The following COLEC12 variants were observed in gnomAD, a reference collection of about 807,000 sequenced individuals.
COLEC12 encodes the protein collectin-12.
In COLEC12, 33 loss-of-function variants were observed where a neutral mutation model predicts 71.1. The ratio of observed to expected loss-of-function variants is 0.46; its 90% CI spans 0.35 to 0.62. The LOEUF (loss-of-function observed/expected upper bound fraction) is 0.62, where lower values mean the gene tolerates loss of function less well. COLEC12 is among the 20% of genes least tolerant of loss of function. The probability of loss-of-function intolerance (pLI) is 0.00; values close to 1 mark genes in which losing one functional copy is unlikely to be tolerated. For missense variants in COLEC12, 765 were observed against 916.1 expected (o/e 0.84, Z 2.13); for synonymous variants, 350 against 353.0 (o/e 0.99, Z 0.10).
At chr18:398,440 G>A (rs1227834818) in intron 2 of COLEC12, among the ~76,000 whole-genome samples, 5 of 152,162 alleles carry the variant, frequency 3.3e-5, no homozygotes, top group African/African-American at 1.2e-4. Flanking sequence ...CAAGATCAGC[G>A]CATTTCTCCA....
intron 5 of COLEC12, among the ~76,000 whole-genome samples, chr18:342,766 G>C (rs1276268095): frequency 6.6e-6 from 1 of 152,184 alleles, no homozygotes; most frequent in Non-Finnish European, 1.5e-5. Context: ...TGGTTGGCTT[G>C]GGAAGCTTCT....
intron 1 of COLEC12, among the ~76,000 whole-genome samples, chr18:493,847 C>T (rs1001698524): frequency 6.6e-6 from 1 of 152,048 alleles, no homozygotes; most frequent in African/African-American, 2.4e-5. Context: ...TACATCTGTC[C>T]GAATACTTAT....
intron 8 of COLEC12, among the ~76,000 whole-genome samples, chr18:325,656 T>TTTTTTTTA (rs1913824305): frequency 1.1e-5 from 1 of 89,970 alleles, no homozygotes; most frequent in African/African-American, 3.8e-5. Context: ...TTTTTTTTTT[T>TTTTTTTTA]GAGACAGAGT....
At chr18:336,172 C>G (rs1487655656) in intron 5 of COLEC12, among the ~76,000 whole-genome samples, 1 of 152,212 alleles carries the variant, frequency 6.6e-6, no homozygotes, top group Non-Finnish European at 1.5e-5. Flanking sequence ...TGTACCCCAG[C>G]TGGCATGCCT....
chr18:452,286 G>C (rs1054843981), intron 2 of COLEC12, among the ~76,000 whole-genome samples: 4 of 152,090 alleles, frequency 2.6e-5, no homozygotes, highest in African/African-American at 9.7e-5. Context: ...ACCATCTATG[G>C]GCCTATAACT....
chr18:485,864 T>C (rs766782333), intron 1 of COLEC12, among the ~76,000 whole-genome samples: 1 of 152,254 alleles, frequency 6.6e-6, no homozygotes, highest in Non-Finnish European at 1.5e-5. Context: ...CACTTAACTC[T>C]ATCTGCCTTA....
intron 2 of COLEC12, among the ~76,000 whole-genome samples, chr18:390,056 T>C (rs773833861): frequency 1.3e-5 from 2 of 152,198 alleles, no homozygotes; most frequent in Non-Finnish European, 2.9e-5. Flanking sequence ...AAAGCATAAA[T>C]AAACAAAACA....
At chr18:390,694 A>C (rs2143587973) in intron 2 of COLEC12, among the ~76,000 whole-genome samples, 1 of 151,998 alleles carries the variant, frequency 6.6e-6, no homozygotes, top group East Asian at 1.9e-4. Flanking sequence ...TGGGAGGGGG[A>C]GGTTGCAGTG....
rs545018981 is a variant in COLEC12 at position 353,048 on chromosome 18, T to C, written c.181+4352A>G. Among the ~76,000 whole-genome samples, 12 of 152,358 alleles carry C rather than the reference T, an allele frequency of 7.9e-5. 1 individual carries two copies. The highest frequency in any genetic ancestry group is 2.1e-4 in the South Asian group (1 of 4,832). On this transcript the variant is annotated intron_variant, in intron 3 of 9. Coordinates refer to ENST00000400256, the MANE Select transcript of COLEC12 (RefSeq NM_130386.3). ...TCTTCAAGTATCCAAAGTATAATTC[T>C]CTAGGATACTCTGACAATAAAACCT...
In COLEC12 at chr18:482,608, C is replaced by T. The variant is rs554397237; in HGVS notation, c.8-1851G>A. Among the ~76,000 whole-genome samples the T allele has an allele frequency of 6.6e-5, 10 of 152,058 alleles. No individual in the cohort carries two copies. The East Asian group carries it at 1.9e-3, about 30-fold the overall frequency. ...AGGTGAGTAAGTCATGGTCCTTTAT[C>T]TTGACTTTCTTTTGTTTTTTGAGAT... On this transcript the variant is annotated intron_variant, in intron 1 of 9. Transcript: ENST00000400256.
intron 2 of COLEC12, among the ~76,000 whole-genome samples, chr18:416,412 C>T (rs544686259): frequency 1.3e-5 from 2 of 152,224 alleles, no homozygotes; most frequent in Admixed American, 6.5e-5. Flanking sequence ...CAGAGGCTGA[C>T]GAGAGATATA....
intron 2 of COLEC12, among the ~76,000 whole-genome samples, chr18:395,455 C>G (rs1915550722): frequency 6.6e-6 from 1 of 152,224 alleles, no homozygotes; most frequent in African/African-American, 2.4e-5. Flanking sequence ...AACTCAACCC[C>G]TGCGAGCACT....
chr18:403,659 T>C (rs551923011), intron 2 of COLEC12, among the ~76,000 whole-genome samples: 1 of 152,236 alleles, frequency 6.6e-6, no homozygotes, highest in Non-Finnish European at 1.5e-5. Flanking sequence ...AAAAGATAAA[T>C]GGAATTGGTT....
At chr18:406,316 T>C (rs1286928633) in intron 2 of COLEC12, among the ~76,000 whole-genome samples, 2 of 151,946 alleles carry the variant, frequency 1.3e-5, no homozygotes, top group Non-Finnish European at 2.9e-5. Context: ...GAGACCATCC[T>C]GGCTAACAAG....
intron 3 of COLEC12, among the ~76,000 whole-genome samples, chr18:350,287 C>T (rs1037397466): frequency 2.7e-4 from 41 of 152,162 alleles, no homozygotes; most frequent in Admixed American, 1.2e-3. Flanking sequence ...ATCTTTCTCA[C>T]TTTCTCTTGC....
chr18:337,340 C>T (rs1914141994), intron 5 of COLEC12, among the ~76,000 whole-genome samples: 1 of 152,178 alleles, frequency 6.6e-6, no homozygotes, highest in Admixed American at 6.5e-5. Flanking sequence ...AGGGGGATCT[C>T]CCTGTCTCCT....
chr18:471,912 T>C (rs957138255), intron 2 of COLEC12, among the ~76,000 whole-genome samples: 50 of 152,164 alleles, frequency 3.3e-4, no homozygotes, highest in Non-Finnish European at 4.4e-5. Flanking sequence ...ACAGGGAAAG[T>C]AGACAGAAGG....
At chr18:437,880 T>G (rs1241574753) in intron 2 of COLEC12, among the ~76,000 whole-genome samples, 1 of 152,202 alleles carries the variant, frequency 6.6e-6, no homozygotes, top group Non-Finnish European at 1.5e-5. Flanking sequence ...TCTGACAAAC[T>G]AATAAACTAG....
rs535290057 is a variant in COLEC12 at position 388,354 on chromosome 18, C to T, written c.59-30832G>A. On this transcript the variant is annotated intron_variant, in intron 2 of 9. Transcript: ENST00000400256. ...GATTGATGTTTCAGTCAGAGTTATC[C>T]GTATAATCTCTAACTAAATCCGCCT... Among the ~76,000 whole-genome samples, 27 of 152,230 alleles carry T rather than the reference C, an allele frequency of 1.8e-4. No homozygotes were observed. The South Asian group carries it at 4.1e-3, about 23-fold the overall frequency.
Sources: gnomAD v4.1 joint callset for allele counts (sites outside exome capture counted in the v4.1 genomes callset) on GRCh38, gnomAD v4.1.1 for gene constraint, MANE v1.5 for transcripts, NCBI Gene and HGNC (gene_info 2026-07-23, HGNC 2026-07-21) for gene names.